The following FLRT2 variants were observed in gnomAD, a reference collection of about 807,000 sequenced individuals.
FLRT2 encodes the protein leucine-rich repeat transmembrane protein FLRT2.
Under a neutral mutation model 40.0 loss-of-function variants are expected in FLRT2, and 15 were observed. The ratio of observed to expected loss-of-function variants is 0.38; its 90% CI spans 0.25 to 0.58. FLRT2 has a LOEUF of 0.58. Among genes scored for constraint, FLRT2 ranks in the 20% least tolerant of loss-of-function variants. FLRT2 has a pLI of 0.71. For synonymous variants in FLRT2, 380 were observed against 336.8 expected, an observed-to-expected ratio of 1.13 and a Z score of -1.41; for missense variants, 726 against 840.0, an observed-to-expected ratio of 0.86 and a Z score of 1.68.
chr14:85,566,474 C>T (rs74856429), intron 1 of FLRT2, among the ~76,000 whole-genome samples: 2,980 of 151,994 alleles, frequency 0.02, 83 homozygotes, highest in East Asian at 0.1. Flanking sequence ...TCTTGATGCT[C>T]AGCCTGTAAG....
At chr14:85,609,306 C>T (rs1443893326) in intron 1 of FLRT2, among the ~76,000 whole-genome samples, 1 of 152,132 alleles carries the variant, frequency 6.6e-6, no homozygotes, top group Non-Finnish European at 1.5e-5. Context: ...CCTGTGCGTT[C>T]CTTACCCTGA....
At chr14:85,615,642 A>G (rs999070642) in intron 1 of FLRT2, among the ~76,000 whole-genome samples, 36 of 64,816 alleles carry the variant, frequency 5.6e-4, no homozygotes, top group African/African-American at 2.8e-3. Flanking sequence ...CTATTGATAT[A>G]TGTTTCCCTA....
In FLRT2 at chr14:85,642,005, T is replaced by C. The variant is rs1046545726; in HGVS notation, c.*18508T>C. ...AATAATTGTGAGGTAGGCTGAAGCA[T>C]GTATAGAAAGAAAACAACAAATTCA... On this transcript the variant is annotated 3_prime_UTR_variant, in exon 2 of 2. Coordinates refer to ENST00000330753, the MANE Select transcript of FLRT2 (RefSeq NM_013231.6). The C allele has an allele frequency of 3.9e-5, 6 of 152,012 alleles. No homozygotes were observed. The highest frequency in any genetic ancestry group is 2.0e-4 in the Admixed American group (3 of 15,248). 9.4% of individuals were successfully genotyped at this position (152,012 alleles called of 1,614,324 possible). A position where few individuals can be genotyped will look rare whatever the true frequency, so the allele number is the denominator to read the frequency against.
chr14:85,597,099 A>C (rs1892174299), intron 1 of FLRT2, among the ~76,000 whole-genome samples: 1 of 152,234 alleles, frequency 6.6e-6, no homozygotes, highest in Non-Finnish European at 1.5e-5. Flanking sequence ...TTTGCTCAAA[A>C]GGTATGACAA....
chr14:85,586,688 A>G (rs1195419743), intron 1 of FLRT2, among the ~76,000 whole-genome samples: 3 of 140,528 alleles, frequency 2.1e-5, no homozygotes, highest in African/African-American at 8.6e-5. Flanking sequence ...AAGTAAATAT[A>G]TATGTACACA....
At chr14:85,600,859 G>C (rs1892350207) in intron 1 of FLRT2, among the ~76,000 whole-genome samples, 1 of 152,128 alleles carries the variant, frequency 6.6e-6, no homozygotes, top group East Asian at 1.9e-4. Flanking sequence ...CTGGTTGGGG[G>C]TCGAGTCTGT....
intron 1 of FLRT2, among the ~76,000 whole-genome samples, chr14:85,582,230 A>T (rs1388286542): frequency 6.6e-6 from 1 of 152,182 alleles, no homozygotes; most frequent in Non-Finnish European, 1.5e-5. Context: ...ATACATATGA[A>T]ATACAACCTT....
intron 1 of FLRT2, among the ~76,000 whole-genome samples, chr14:85,572,907 C>A (rs927907323): frequency 5.3e-5 from 8 of 152,094 alleles, no homozygotes; most frequent in African/African-American, 1.9e-4. Flanking sequence ...GATTTGAACA[C>A]AAGTCTGAGT....
At chr14:85,556,546 G>C (rs934050896) in intron 1 of FLRT2, among the ~76,000 whole-genome samples, 25 of 152,194 alleles carry the variant, frequency 1.6e-4, no homozygotes, top group Non-Finnish European at 1.6e-4. Flanking sequence ...GGCAGTTGGA[G>C]AAAATGGCTA....
At chr14:85,569,219 A>T (rs1890783353) in intron 1 of FLRT2, among the ~76,000 whole-genome samples, 1 of 152,244 alleles carries the variant, frequency 6.6e-6, no homozygotes, top group Admixed American at 6.5e-5. Flanking sequence ...GAAAGAAAAG[A>T]GGAATCTGCC....
At chr14:85,616,516 C>T (rs1893141328) in intron 1 of FLRT2, among the ~76,000 whole-genome samples, 1 of 152,176 alleles carries the variant, frequency 6.6e-6, no homozygotes, top group Non-Finnish European at 1.5e-5. Flanking sequence ...GTGCAGTTAA[C>T]ATTTTTTTCC....
intron 1 of FLRT2, among the ~76,000 whole-genome samples, chr14:85,536,076 C>T (rs1012821648): frequency 1.1e-4 from 17 of 151,898 alleles, no homozygotes; most frequent in African/African-American, 3.6e-4. Flanking sequence ...CAAAGCAGTC[C>T]TGGCTTTTCC....
At position 85,649,567 on chromosome 14, in the gene FLRT2, C is replaced by T. The variant is rs915796293; in HGVS notation, c.*26070C>T. The T allele has an allele frequency of 2.6e-5, 4 of 152,116 alleles. No homozygotes were observed. The highest frequency in any genetic ancestry group is 7.2e-5 in the African/African-American group (3 of 41,542). The allele number at this position is 152,116 out of a possible 1,614,324, so 9.4% of individuals were successfully genotyped here. On this transcript the variant is annotated 3_prime_UTR_variant, in exon 2 of 2. Transcript: ENST00000330753. ...TGTGCAAAGATGATGCCAGATTGATCCTAACAAACATAAAGCTCAGAATCA... is the reference window on the plus strand; with the variant it reads ...TGTGCAAAGATGATGCCAGATTGATTCTAACAAACATAAAGCTCAGAATCA...
At chr14:85,604,224 G>T (rs2139338806) in intron 1 of FLRT2, among the ~76,000 whole-genome samples, 1 of 152,254 alleles carries the variant, frequency 6.6e-6, no homozygotes, top group South Asian at 2.1e-4. Context: ...CTGGTGGGTG[G>T]CATGACGCCT....
At position 85,636,024 on chromosome 14, in the gene FLRT2, G is replaced by A. The variant is rs1893990298; in HGVS notation, c.*12527G>A. 2.0e-5 allele frequency: 3 copies of A among 151,956 alleles called. No individual in the cohort carries two copies. Among genetic ancestry groups the A allele is most frequent in the Non-Finnish European group, 2.9e-5 (2 of 67,958 alleles). The allele number at this position is 151,956 out of a possible 1,614,324, so 9.4% of individuals were successfully genotyped here. On this transcript the variant is annotated 3_prime_UTR_variant, in exon 2 of 2. Coordinates refer to ENST00000330753, the MANE Select transcript of FLRT2 (RefSeq NM_013231.6). ...TTTTAAATTAATGGCTTGTAATTGT[G>A]TAATTGGAAAGTGGTCCTTGGGACT... is the stretch of plus-strand genomic sequence containing the variant.
At chr14:85,548,915 G>A (rs1889441536) in intron 1 of FLRT2, among the ~76,000 whole-genome samples, 1 of 152,202 alleles carries the variant, frequency 6.6e-6, no homozygotes, top group African/African-American at 2.4e-5. Context: ...CAGCAGAGCA[G>A]CAGAGCAGCT....
At chr14:85,558,816 G>C (rs1269868439) in intron 1 of FLRT2, among the ~76,000 whole-genome samples, 1 of 152,148 alleles carries the variant, frequency 6.6e-6, no homozygotes, top group Non-Finnish European at 1.5e-5. Flanking sequence ...ATTTGACATG[G>C]TTTGTCTTTA....
rs2139385927 is a variant in FLRT2, at chr14:85,631,704, T to C, written c.*8207T>C. 1 of 152,370 alleles carries C rather than the reference T, an allele frequency of 6.6e-6. No individual in the cohort carries two copies. The highest frequency in any genetic ancestry group is 1.5e-5 in the Non-Finnish European group (1 of 68,038). The allele number at this position is 152,370 out of a possible 1,614,324, so 9.4% of individuals were successfully genotyped here. A position where few individuals can be genotyped will look rare whatever the true frequency, so the allele number is the denominator to read the frequency against. The stretch of plus-strand genomic sequence containing the variant: ...ATCAACATTTTTAAAAGAAATTTTG[T>C]TTTTATGATTATTTGGTGGCCATGC... On this transcript the variant is annotated 3_prime_UTR_variant, in exon 2 of 2. Coordinates refer to ENST00000330753, the MANE Select transcript of FLRT2 (RefSeq NM_013231.6).
intron 1 of FLRT2, among the ~76,000 whole-genome samples, chr14:85,602,082 A>G (rs1231925308): frequency 6.6e-6 from 1 of 152,212 alleles, no homozygotes; most frequent in Non-Finnish European, 1.5e-5. Context: ...TTATTTATTT[A>G]TAATGAAGGG....
Sources: allele counts gnomAD v4.1 joint callset (sites outside exome capture counted in the v4.1 genomes callset), GRCh38; gene constraint gnomAD v4.1.1; transcripts MANE v1.5; gene names NCBI Gene and HGNC (gene_info 2026-07-23, HGNC 2026-07-21).